Variants in KLHL5 observed in about 807,000 individuals in gnomAD.
KLHL5 encodes the protein kelch like family member 5.
In KLHL5, 48 loss-of-function variants were observed where a neutral mutation model predicts 77.7. The ratio of observed to expected loss-of-function variants is 0.62; its 90% CI spans 0.49 to 0.79. The LOEUF (loss-of-function observed/expected upper bound fraction) is 0.79. Among genes scored for constraint, KLHL5 ranks in the 30% least tolerant of loss-of-function variants. The pLI, the probability that KLHL5 is intolerant of heterozygous loss-of-function variation, is 0.00. For missense variants in KLHL5, 723 were observed against 859.7 expected, an observed-to-expected ratio of 0.84 and a Z score of 1.99; for synonymous variants, 260 against 297.0, an observed-to-expected ratio of 0.88 and a Z score of 1.28.
intron 1 of KLHL5, among the ~76,000 whole-genome samples, chr4:39,066,638 T>G (rs1403082751): frequency 6.6e-6 from 1 of 152,188 alleles, no homozygotes; most frequent in African/African-American, 2.4e-5. Context: ...GCATTTTCTA[T>G]TTTTGATGGG....
intron 2 of KLHL5, among the ~76,000 whole-genome samples, chr4:39,077,291 T>C (rs935479119): frequency 5.3e-5 from 8 of 151,830 alleles, no homozygotes; most frequent in Non-Finnish European, 8.8e-5. Flanking sequence ...ACCCCGTCTC[T>C]ACTAAAAATA....
At chr4:39,076,460 A>G (rs1167072400) in intron 2 of KLHL5, among the ~76,000 whole-genome samples, 1 of 152,198 alleles carries the variant, frequency 6.6e-6, no homozygotes, top group Non-Finnish European at 1.5e-5. Flanking sequence ...AAGTAAACTC[A>G]GTGGCAATTA....
intron 10 of KLHL5, among the ~76,000 whole-genome samples, chr4:39,116,881 G>A (rs933009344): frequency 1.3e-5 from 2 of 152,052 alleles, no homozygotes; most frequent in Non-Finnish European, 2.9e-5. Context: ...TCGTCACCTA[G>A]GCTGGAGTGC....
At chr4:39,110,152 A>G (rs982994930) in intron 8 of KLHL5, among the ~76,000 whole-genome samples, 30 of 152,220 alleles carry the variant, frequency 2.0e-4, no homozygotes, top group African/African-American at 6.0e-4. Flanking sequence ...TTTTAAACTT[A>G]TTTAAAATGT....
intron 10 of KLHL5, 108 bp downstream of exon 10, chr4:39,115,438 A>G: frequency 6.5e-7 from 1 of 1,549,582 alleles, no homozygotes; most frequent in South Asian, 1.2e-5. Context: ...ATATGGCATA[A>G]ATATGACAAT....
intron 5 of KLHL5, among the ~76,000 whole-genome samples, chr4:39,091,034 C>T (rs1244267395): frequency 6.9e-6 from 1 of 145,762 alleles, no homozygotes; most frequent in East Asian, 2.0e-4. Flanking sequence ...GTTGCACAGG[C>T]TGGAGTGCAG....
At chr4:39,069,016 G>T (rs1249226325) in intron 1 of KLHL5, among the ~76,000 whole-genome samples, 1 of 152,178 alleles carries the variant, frequency 6.6e-6, no homozygotes, top group Non-Finnish European at 1.5e-5. Context: ...CGGATAGGTA[G>T]CTCTGCTTCA....
upstream of KLHL5, among the ~76,000 whole-genome samples, chr4:39,057,610 A>G (rs1717089468): frequency 6.6e-6 from 1 of 152,202 alleles, no homozygotes; most frequent in Non-Finnish European, 1.5e-5. Context: ...TTTAAAAAGT[A>G]TCCCTGAATT....
rs186448524 is a variant in KLHL5 at position 39,047,942 on chromosome 4, C to T, written c.-95+2846C>T. ...CTGTATGTGCAGGGTTGTTTCCAGC[C>T]GGTTGATGAACCTCCCTGAATCTAT... On this transcript the variant is annotated intron_variant, in intron 1 of 11. Coordinates refer to the KLHL5 transcript ENST00000261425. Among the ~76,000 whole-genome samples, 45 of 152,216 alleles carry T rather than the reference C, an allele frequency of 3.0e-4. 1 individual carries two copies. In the East Asian group the frequency reaches 4.6e-3, roughly 16 times the overall value.
chr4:39,101,955 TAC>T (rs1721610001), intron 6 of KLHL5, among the ~76,000 whole-genome samples: 1 of 58,430 alleles, frequency 1.7e-5, no homozygotes, highest in Non-Finnish European at 3.7e-5. Flanking sequence ...CACATATATA[TAC>T]ACACACATAT....
intron 5 of KLHL5, among the ~76,000 whole-genome samples, chr4:39,095,384 T>A (rs1720962990): frequency 6.6e-6 from 1 of 152,072 alleles, no homozygotes; most frequent in Non-Finnish European, 1.5e-5. Context: ...GTGAGCCACT[T>A]TGGAAAATCT....
intron 1 of KLHL5, among the ~76,000 whole-genome samples, chr4:39,069,451 TATATATATATATATATATATATAC>T (rs1233681169): frequency 0.15 from 6,410 of 42,832 alleles, 228 homozygotes; most frequent in South Asian, 0.18. Context: ...TATATATATA[TATATATATATATATATATATATAC>T]ACACACACAC....
intron 6 of KLHL5, among the ~76,000 whole-genome samples, chr4:39,100,770 T>C (rs1017417225): frequency 6.6e-6 from 1 of 152,232 alleles, no homozygotes; most frequent in Non-Finnish European, 1.5e-5. Context: ...CTGGCCCTTC[T>C]GTTTGACCAA....
intron 1 of KLHL5, among the ~76,000 whole-genome samples, chr4:39,047,908 G>A (rs1716318984): frequency 6.6e-6 from 1 of 152,236 alleles, no homozygotes; most frequent in South Asian, 2.1e-4. Flanking sequence ...GTCTGGGATT[G>A]TGTCACTGCT....
intron 8 of KLHL5, among the ~76,000 whole-genome samples, chr4:39,112,340 G>A (rs1184703300): frequency 6.6e-6 from 1 of 152,100 alleles, no homozygotes; most frequent in African/African-American, 2.4e-5. Context: ...CATAACAAAT[G>A]TTACTTTTTA....
chr4:39,081,581 A>T lies in KLHL5; in HGVS notation c.703+342A>T, dbSNP rs1447843516. ...TCGGGAAGCCAAGGCAGGACGGATGATCGCTTGAGCCCAGGAGTTCGATGC... is the reference window on the plus strand; with the variant it reads ...TCGGGAAGCCAAGGCAGGACGGATGTTCGCTTGAGCCCAGGAGTTCGATGC... On this transcript the variant is annotated intron_variant, in intron 3 of 10. Transcript: ENST00000504108. The surrounding 1 kb of genome is among the most constrained non-coding windows in gnomAD (Gnocchi z 4.3). 6.6e-6 allele frequency among the ~76,000 whole-genome samples: 1 copy of T among 151,910 alleles called. No individual in the cohort carries two copies. The highest frequency in any genetic ancestry group is 1.5e-5 in the Non-Finnish European group (1 of 67,992).
At chr4:39,078,361 G>A (rs374258927) in intron 2 of KLHL5, among the ~76,000 whole-genome samples, 81 of 146,952 alleles carry the variant, frequency 5.5e-4, no homozygotes, top group African/African-American at 1.8e-3. Flanking sequence ...ACTCCAGCCT[G>A]GGTGACAGAG....
At chr4:39,115,995 G>C (rs1722805543) in intron 10 of KLHL5, 1 of 985,492 alleles carries the variant, frequency 1.0e-6, no homozygotes, top group Admixed American at 6.2e-5. Context: ...ACTGAGCCAA[G>C]ATTTTCTTGT....
intron 2 of KLHL5, among the ~76,000 whole-genome samples, chr4:39,077,388 G>A (rs1187131880): frequency 6.6e-6 from 1 of 152,066 alleles, no homozygotes; most frequent in Non-Finnish European, 1.5e-5. Context: ...TGTGAACCCA[G>A]GAGGCAGAGC....
Sources: gnomAD v4.1 joint callset for allele counts (sites outside exome capture counted in the v4.1 genomes callset) on GRCh38, gnomAD v4.1.1 for gene constraint, Gnocchi (gnomAD v3.1) non-coding constraint, MANE v1.5 for transcripts, NCBI Gene and HGNC (gene_info 2026-07-23, HGNC 2026-07-21) for gene names.